The following SRPRB variants were observed in gnomAD, a reference collection of about 807,000 sequenced individuals.
The protein encoded by SRPRB is signal recognition particle receptor subunit beta.
A neutral mutation model predicts 31.9 loss-of-function variants in SRPRB; 20 were observed. The observed-to-expected ratio is 0.63, with a 90% CI of 0.44 to 0.91. The LOEUF is 0.91. SRPRB is among the 40% of genes least tolerant of loss of function. The pLI is 0.00. For missense variants in SRPRB, 321 were observed against 324.9 expected (o/e 0.99, Z 0.09); for synonymous variants, 146 against 132.8 (o/e 1.10, Z -0.68).
intron 4 of SRPRB, among the ~76,000 whole-genome samples, chr3:133,813,547 AC>A (rs1432680305): frequency 2.0e-5 from 3 of 152,110 alleles, no homozygotes; most frequent in Non-Finnish European, 4.4e-5. Context: ...TAAAATACTT[AC>A]CTTTTCAAAC....
At chr3:133,790,827 G>A (rs536903376) in intron 1 of SRPRB, 2 of 152,292 alleles carry the variant, frequency 1.3e-5, no homozygotes, top group East Asian at 3.9e-4. Flanking sequence ...TGCACAGGAT[G>A]TATGGTGATA....
rs758542213 is a variant in SRPRB, at chr3:133,819,790, CT to C, written c.*25del. 1.2e-6 allele frequency: 2 copies of C among 1,606,414 alleles called. No homozygotes were observed. Among genetic ancestry groups the C allele is most frequent in the Non-Finnish European group, 1.7e-6 (2 of 1,175,162 alleles). On this transcript the variant is annotated 3_prime_UTR_variant, in exon 7 of 7. Coordinates refer to ENST00000678299, the MANE Select transcript of SRPRB (RefSeq NM_001379313.1). ...GAGAGGCAGCTCTAAAGCACAAGAC[CT>C]GGATGTGTGACACACAGTTTTGGAA...
At chr3:133,813,376 C>T (rs1012445787) in intron 4 of SRPRB, among the ~76,000 whole-genome samples, 9 of 152,112 alleles carry the variant, frequency 5.9e-5, no homozygotes, top group Admixed American at 1.3e-4. Context: ...ATTATTTTTG[C>T]CTTTCTTGTT....
At chr3:133,798,315 A>C (rs953329740) in intron 1 of SRPRB, among the ~76,000 whole-genome samples, 10 of 152,202 alleles carry the variant, frequency 6.6e-5, no homozygotes, top group Non-Finnish European at 1.2e-4. Flanking sequence ...GATGATAGCC[A>C]CTGATGTATG....
At chr3:133,824,173 T>C (rs1262582095), downstream of SRPRB, 2 of 152,236 alleles carry the variant, frequency 1.3e-5, no homozygotes, top group Admixed American at 1.3e-4. Flanking sequence ...GAGCACACAC[T>C]TCAGGAACTG....
At chr3:133,797,553 TG>T in intron 1 of SRPRB, among the ~76,000 whole-genome samples, 1 of 152,348 alleles carries the variant, frequency 6.6e-6, no homozygotes. Flanking sequence ...TATGCATTTT[TG>T]TGGTTGGTGT....
At chr3:133,800,070 G>A (rs1271630997) in intron 1 of SRPRB, among the ~76,000 whole-genome samples, 4 of 152,202 alleles carry the variant, frequency 2.6e-5, no homozygotes, top group Non-Finnish European at 4.4e-5. Flanking sequence ...GTAGTACCAG[G>A]CAGCCTATGA....
At chr3:133,789,774 G>C (rs1010977863) in intron 1 of SRPRB, 2 of 150,692 alleles carry the variant, frequency 1.3e-5, no homozygotes, top group African/African-American at 4.9e-5. Flanking sequence ...ATATATTTTT[G>C]TCTGGGTTTT....
intron 3 of SRPRB, 139 bp from the exon 4 acceptor site, chr3:133,810,965 ACGTTGACTAGTGT>A: frequency 1.5e-6 from 1 of 670,898 alleles, no homozygotes; most frequent in Non-Finnish European, 2.4e-6. Flanking sequence ...CATCCCCAGA[ACGTTGACTAGTGT>A]TTTATGAGTA....
At chr3:133,817,204 T>C (rs1296801952) in intron 6 of SRPRB, among the ~76,000 whole-genome samples, 4 of 152,198 alleles carry the variant, frequency 2.6e-5, no homozygotes, top group Non-Finnish European at 5.9e-5. Flanking sequence ...TCATTTATAG[T>C]TGAAAGGTTT....
intron 4 of SRPRB, among the ~76,000 whole-genome samples, chr3:133,814,412 T>C (rs182426351): frequency 0.013 from 1,918 of 151,854 alleles, 47 homozygotes; most frequent in African/African-American, 0.044. Flanking sequence ...ATTACAGGCG[T>C]GAGCCACCGC....
At chr3:133,815,530 C>T in intron 4 of SRPRB, 60 bp from the exon 5 acceptor site, 1 of 1,599,476 alleles carries the variant, frequency 6.3e-7, no homozygotes, top group Non-Finnish European at 8.5e-7. Flanking sequence ...GATAGTTTTT[C>T]AAGATAATGA....
chr3:133,794,466 T>C (rs1370077974), intron 1 of SRPRB: 1 of 152,260 alleles, frequency 6.6e-6, no homozygotes, highest in Non-Finnish European at 1.5e-5. Context: ...GGGCTGATGT[T>C]ATAACACTAA....
Position 133,819,564 on chromosome 3 carries a change from G to A in SRPRB, c.614G>A (p.Arg205Gln), listed in dbSNP as rs760818603. 16 of 1,613,494 alleles carry A rather than the reference G, an allele frequency of 9.9e-6. No individual in the cohort carries two copies. Among genetic ancestry groups the A allele is most frequent in the South Asian group, 4.4e-5 (4 of 91,054 alleles). The change falls in exon 7 of 7, where the codon CGA becomes CAA. Residue 205 changes from arginine to glutamine, a missense_variant. Coordinates refer to ENST00000678299, the MANE Select transcript of SRPRB (RefSeq NM_001379313.1). Reference sequence around the variant, plus strand: ...CTTTTGCCCCACAGCAACACCTTACGAGTTACCCGTTCTGCTGCCCCCAGC... The same window carrying A: ...CTTTTGCCCCACAGCAACACCTTACAAGTTACCCGTTCTGCTGCCCCCAGC... ...QQLEKELNTL[R>Q]VTRSAAPSTL...
chr3:133,784,466 TAA>T (rs67395906), intron 1 of SRPRB: 1 of 116,574 alleles, frequency 8.6e-6, no homozygotes, highest in Non-Finnish European at 1.7e-5. Context: ...TCCCATTTGT[TAA>T]AAAAATAATA....
chr3:133,807,855 A>G lies in SRPRB; in HGVS notation c.327+32A>G, dbSNP rs201760908. The G allele has an allele frequency of 6.3e-4, 972 of 1,547,382 alleles. 2 individuals are homozygous for G. Among genetic ancestry groups the G allele is most frequent in the Middle Eastern group, 1.0e-3 (6 of 5,918 alleles). ...TGTTTGTGGAGTTTTGGAGTCTGAC[A>G]GTCTTACTTTACTGTGGTGTGTCAG... On this transcript the variant is annotated intron_variant, in intron 3 of 6. Transcript: ENST00000678299.
At position 133,805,995 on chromosome 3, in the gene SRPRB, G is replaced by A. The variant is rs192203354; in HGVS notation, c.147G>A (p.Leu49=). The A allele has an allele frequency of 6.2e-7, 1 of 1,613,144 alleles. No individual in the cohort carries two copies. Among genetic ancestry groups the A allele is most frequent in the Non-Finnish European group, 8.5e-7 (1 of 1,179,416 alleles). Residue 49 remains leucine (L), a synonymous_variant, in exon 1 of 7, where the codon CTG becomes CTA. Coordinates refer to ENST00000678299, the MANE Select transcript of SRPRB (RefSeq NM_001379313.1). ...TGGTGGCGGTTCTTGCGGTGCTGCT[G>A]ACGCTAGGTAAAAGGCGGCCGGTGG... ...SVVVAVLAVL[L]TLVFWKLIRS...
At chr3:133,822,652 C>T (rs1231094185), downstream of SRPRB, among the ~76,000 whole-genome samples, 1 of 152,212 alleles carries the variant, frequency 6.6e-6, no homozygotes, top group Non-Finnish European at 1.5e-5. Flanking sequence ...AAGCGCTGGC[C>T]ATGCTCTGTT....
Position 133,806,589 on chromosome 3 carries a change from T to G in SRPRB, c.155-20T>G. On this transcript the variant is annotated intron_variant, in intron 1 of 6. Coordinates refer to ENST00000678299, the MANE Select transcript of SRPRB (RefSeq NM_001379313.1). ...TTCCCAAGGCGTAATTTTTGTTGTT[T>G]TTCTCTGTCTATTCCACAGTCTTCT... 6.2e-7 allele frequency: 1 copy of G among 1,608,806 alleles called. No homozygotes were observed. The highest frequency in any genetic ancestry group is 8.5e-7 in the Non-Finnish European group (1 of 1,175,340).
Sources: allele counts gnomAD v4.1 joint callset (sites outside exome capture counted in the v4.1 genomes callset), GRCh38; gene constraint gnomAD v4.1.1; transcripts MANE v1.5; gene names NCBI Gene and HGNC (gene_info 2026-07-23, HGNC 2026-07-21).